The following NCKAP5 variants were observed in gnomAD, a reference collection of about 807,000 sequenced individuals.
NCKAP5 encodes the protein nck-associated protein 5.
NCKAP5 carries 92 observed loss-of-function variants against 167.0 expected under a neutral mutation model. The observed-to-expected ratio is 0.55, with a 90% CI of 0.47 to 0.66. The LOEUF (loss-of-function observed/expected upper bound fraction) is 0.66, where lower values mean the gene tolerates loss of function less well. Ranked by LOEUF, NCKAP5 falls within the 30% of genes least tolerant of loss-of-function variation. The pLI is 0.00. For missense variants in NCKAP5, 2,378 were observed against 2,315.0 expected, an observed-to-expected ratio of 1.03 and a Z score of -0.56; for synonymous variants, 891 against 877.4, an observed-to-expected ratio of 1.02 and a Z score of -0.27.
chr2:132,729,138 C>T (rs1326355331), intron 17 of NCKAP5, among the ~76,000 whole-genome samples, 186 bp from the exon 18 acceptor site: 1 of 152,204 alleles, frequency 6.6e-6, no homozygotes, highest in Non-Finnish European at 1.5e-5. Flanking sequence ...ATTATGTATA[C>T]ACATCTATAG....
chr2:132,798,235 G>A (rs1684756278), intron 11 of NCKAP5, among the ~76,000 whole-genome samples: 1 of 151,946 alleles, frequency 6.6e-6, no homozygotes, highest in African/African-American at 2.4e-5. Context: ...GACTTTCCTG[G>A]GGGCAAAGAT....
chr2:133,316,364 T>C (rs940726946), intron 3 of NCKAP5, among the ~76,000 whole-genome samples: 1 of 152,188 alleles, frequency 6.6e-6, no homozygotes, highest in African/African-American at 2.4e-5. Context: ...TCATGTTGGA[T>C]CTAGGAACTC....
intron 2 of NCKAP5, among the ~76,000 whole-genome samples, chr2:133,555,152 G>A (rs1305965401): frequency 6.6e-6 from 1 of 152,172 alleles, no homozygotes; most frequent in Non-Finnish European, 1.5e-5. Flanking sequence ...TTCACCCTGT[G>A]TTCCATTGGG....
intron 6 of NCKAP5, among the ~76,000 whole-genome samples, chr2:133,015,621 G>T (rs1165317537): frequency 6.6e-6 from 1 of 152,134 alleles, no homozygotes; most frequent in Non-Finnish European, 1.5e-5. Context: ...GCAAGGAGTG[G>T]ACATTGTATT....
At chr2:133,531,329 C>T (rs1685349126) in intron 2 of NCKAP5, among the ~76,000 whole-genome samples, 1 of 152,002 alleles carries the variant, frequency 6.6e-6, no homozygotes, top group Non-Finnish European at 1.5e-5. Flanking sequence ...AGCCTTTGGG[C>T]ATAATTTCTT....
At chr2:132,896,233 C>G (rs969694303) in intron 8 of NCKAP5, among the ~76,000 whole-genome samples, 2 of 152,212 alleles carry the variant, frequency 1.3e-5, no homozygotes, top group Non-Finnish European at 2.9e-5. Flanking sequence ...AATGAAATTA[C>G]GTGAAAATGA....
intron 7 of NCKAP5, among the ~76,000 whole-genome samples, chr2:132,964,673 T>G (rs1466977874): frequency 1.3e-5 from 2 of 152,174 alleles, no homozygotes; most frequent in Admixed American, 1.3e-4. Context: ...CATCCTTCCA[T>G]TACACTATTT....
chr2:133,338,992 C>T, intron 3 of NCKAP5, among the ~76,000 whole-genome samples: 1 of 152,104 alleles, frequency 6.6e-6, no homozygotes, highest in Non-Finnish European at 1.5e-5. Context: ...TGCACTGCAG[C>T]CTATGTGACA....
intron 4 of NCKAP5, among the ~76,000 whole-genome samples, chr2:133,221,412 A>G (rs1357501097): frequency 6.6e-6 from 1 of 152,240 alleles, no homozygotes; most frequent in Non-Finnish European, 1.5e-5. Context: ...TTAATTCAGA[A>G]TATTTTGCTA....
chr2:132,846,767 T>G (rs1688693092), intron 11 of NCKAP5, among the ~76,000 whole-genome samples: 1 of 152,214 alleles, frequency 6.6e-6, no homozygotes, highest in Non-Finnish European at 1.5e-5. Context: ...ATGACTTGTT[T>G]AAAGTCACAC....
rs150439530 is a variant in NCKAP5 at position 133,345,492 on chromosome 2, C to T, written c.70-42382G>A. Among the ~76,000 whole-genome samples the T allele has an allele frequency of 7.3e-3, 1,106 of 152,166 alleles. 15 individuals carry two copies. The highest frequency in any genetic ancestry group is 0.023 in the African/African-American group (970 of 41,492). On this transcript the variant is annotated intron_variant, in intron 3 of 19. Coordinates refer to ENST00000409261, the MANE Select transcript of NCKAP5 (RefSeq NM_207363.3). ...AGAATATGGAGCAATGGTTCTTAAC[C>T]CTCGGTACACATTATAATCACCAAG...
chr2:133,021,073 A>G (rs963726939), intron 6 of NCKAP5, among the ~76,000 whole-genome samples: 1 of 152,234 alleles, frequency 6.6e-6, no homozygotes, highest in African/African-American at 2.4e-5. Context: ...TGGCGAAATG[A>G]AAACTGTAGA....
chr2:133,161,109 C>T (rs917481076), intron 5 of NCKAP5, among the ~76,000 whole-genome samples: 4 of 152,128 alleles, frequency 2.6e-5, no homozygotes, highest in Admixed American at 6.5e-5. Flanking sequence ...GTGAACTGCA[C>T]ATCTGAGAAA....
At chr2:132,959,531 C>T (rs2076446369) in intron 8 of NCKAP5, among the ~76,000 whole-genome samples, 4 of 152,082 alleles carry the variant, frequency 2.6e-5, no homozygotes. Flanking sequence ...TGCAGTTGGT[C>T]CCTGAGTGGA....
intron 3 of NCKAP5, among the ~76,000 whole-genome samples, chr2:133,398,321 G>A (rs535415790): frequency 6.6e-6 from 1 of 152,126 alleles, no homozygotes; most frequent in Non-Finnish European, 1.5e-5. Flanking sequence ...TGCATGCAGG[G>A]CTTAAAACCT....
chr2:132,689,534 C>T lies in NCKAP5; in HGVS notation c.5714-16229G>A, dbSNP rs1276566007. Among the ~76,000 whole-genome samples the T allele has an allele frequency of 2.6e-5, 4 of 152,294 alleles. No homozygotes were observed. In the East Asian group the frequency reaches 7.7e-4, roughly 29 times the overall value. On this transcript the variant is annotated intron_variant, in intron 19 of 19. Coordinates refer to ENST00000409261, the MANE Select transcript of NCKAP5 (RefSeq NM_207363.3). Reference sequence around the variant, plus strand: ...GTAGTTGAGTGTGAGGCTTGGCTCACACTGCCTCTGCTACTCAGAGTTCAT... The same window carrying T: ...GTAGTTGAGTGTGAGGCTTGGCTCATACTGCCTCTGCTACTCAGAGTTCAT...
chr2:133,616,758 T>C, the NCKAP5 span, among the ~76,000 whole-genome samples: 1 of 151,952 alleles, frequency 6.6e-6, no homozygotes, highest in African/African-American at 2.4e-5. Flanking sequence ...TCTGAAACTA[T>C]TCCAATCAAT....
chr2:133,412,482 T>A (rs1416550999), intron 3 of NCKAP5, among the ~76,000 whole-genome samples: 1 of 152,210 alleles, frequency 6.6e-6, no homozygotes, highest in African/African-American at 2.4e-5. Flanking sequence ...CTGAATTTCT[T>A]ATTCTGACCT....
chr2:133,258,270 G>T (rs550062160), intron 4 of NCKAP5, among the ~76,000 whole-genome samples: 2 of 152,146 alleles, frequency 1.3e-5, no homozygotes, highest in African/African-American at 4.8e-5. Flanking sequence ...AACTACTTGT[G>T]ACTAGGCCCC....
Sources: gnomAD v4.1 joint callset for allele counts (sites outside exome capture counted in the v4.1 genomes callset) on GRCh38, gnomAD v4.1.1 for gene constraint, MANE v1.5 for transcripts, NCBI Gene and HGNC (gene_info 2026-07-23, HGNC 2026-07-21) for gene names.